SLC36A1: variants seen among roughly 807,000 people sequenced by gnomAD.
The protein encoded by SLC36A1 is solute carrier family 36 member 1.
Under a neutral mutation model 47.5 loss-of-function variants are expected in SLC36A1, and 30 were observed. The observed-to-expected ratio is 0.63, with a 90% CI of 0.47 to 0.86. The LOEUF (loss-of-function observed/expected upper bound fraction) is 0.86, where lower values mean the gene tolerates loss of function less well. Among genes scored for constraint, SLC36A1 ranks in the 40% least tolerant of loss-of-function variants. The pLI is 0.00. For missense variants in SLC36A1, 517 were observed against 606.0 expected (o/e 0.85, Z 1.54); for synonymous variants, 255 against 249.7 (o/e 1.02, Z -0.20).
chr5:151,438,144 A>T (rs1480004830), intron 1 of SLC36A1, among the ~76,000 whole-genome samples: 1 of 152,186 alleles, frequency 6.6e-6, no homozygotes, highest in African/African-American at 2.4e-5. Flanking sequence ...GAGATTAATT[A>T]ACGTCTTTGG....
the SLC36A1 span, chr5:151,545,178 G>A: frequency 6.2e-7 from 1 of 1,614,192 alleles, no homozygotes; most frequent in Non-Finnish European, 8.5e-7. Context: ...GTGCCTTTCT[G>A]TCCTGCAAGT....
At chr5:151,547,505 C>T in the SLC36A1 span, among the ~76,000 whole-genome samples, 12 of 152,164 alleles carry the variant, frequency 7.9e-5, no homozygotes, top group Admixed American at 2.6e-4. Context: ...CCCTCTATCA[C>T]GTGAGAGCAT....
chr5:151,433,078 TACTC>T (rs1407828194), upstream of SLC36A1, among the ~76,000 whole-genome samples: 9 of 151,246 alleles, frequency 6.0e-5, no homozygotes, highest in Middle Eastern at 3.4e-3. Context: ...AAAATGAACA[TACTC>T]AATAAAGCAT....
the SLC36A1 span, among the ~76,000 whole-genome samples, chr5:151,367,374 T>TTTTTC: frequency 3.4e-5 from 5 of 145,530 alleles, no homozygotes; most frequent in South Asian, 2.2e-4. Flanking sequence ...TTTTTTTTTT[T>TTTTTC]CCCCAGGGTA....
chr5:151,446,151 G>A (rs1313168833), upstream of SLC36A1, among the ~76,000 whole-genome samples: 1 of 152,014 alleles, frequency 6.6e-6, no homozygotes, highest in Non-Finnish European at 1.5e-5. Flanking sequence ...CATTCCATAA[G>A]CTTTGGTATG....
intron 1 of SLC36A1, among the ~76,000 whole-genome samples, chr5:151,458,048 A>G (rs1248747069): frequency 6.6e-6 from 1 of 151,264 alleles, no homozygotes; most frequent in Admixed American, 6.6e-5. Context: ...GGGTTTCTCC[A>G]TGTTACTCAG....
At chr5:151,543,370 T>C in the SLC36A1 span, 39 of 1,614,044 alleles carry the variant, frequency 2.4e-5, no homozygotes, top group Non-Finnish European at 3.1e-5. Flanking sequence ...CTCAGATGCT[T>C]TGAACTGTGG....
At chr5:151,421,174 C>CCTCCCTTCCT in the SLC36A1 span, among the ~76,000 whole-genome samples, 1 of 138,804 alleles carries the variant, frequency 7.2e-6, no homozygotes, top group African/African-American at 2.7e-5. Context: ...CGCCCTTTCT[C>CCTCCCTTCCT]TCCTTCCTTC....
chr5:151,464,141 C>T, intron 3 of SLC36A1, among the ~76,000 whole-genome samples: 1 of 152,188 alleles, frequency 6.6e-6, no homozygotes, highest in East Asian at 1.9e-4. Context: ...TAGCTAAGTG[C>T]AGTCTTTCTT....
At chr5:151,505,886 G>A in the SLC36A1 span, 1 of 1,604,172 alleles carries the variant, frequency 6.2e-7, no homozygotes, top group South Asian at 1.1e-5. Flanking sequence ...TCTGGTTGCT[G>A]TAACGGGGTG....
chr5:151,468,438 A>G (rs1262534107), intron 7 of SLC36A1, among the ~76,000 whole-genome samples: 1 of 146,384 alleles, frequency 6.8e-6, no homozygotes. Context: ...TATATTGTGT[A>G]TATATATACA....
At chr5:151,391,630 A>G in the SLC36A1 span, among the ~76,000 whole-genome samples, 11 of 152,130 alleles carry the variant, frequency 7.2e-5, no homozygotes, top group Admixed American at 7.2e-4. Flanking sequence ...GAATTTTGTC[A>G]AAGGCCTTTT....
At chr5:151,462,547 T>C (rs759805638) in intron 2 of SLC36A1, among the ~76,000 whole-genome samples, 3 of 151,998 alleles carry the variant, frequency 2.0e-5, no homozygotes, top group Admixed American at 6.6e-5. Flanking sequence ...ATATTTTTAG[T>C]AGAGACGGGG....
chr5:151,413,620 G>A, the SLC36A1 span, among the ~76,000 whole-genome samples: 2 of 152,030 alleles, frequency 1.3e-5, no homozygotes, highest in African/African-American at 2.4e-5. Flanking sequence ...TGTTTTTGCA[G>A]GAGGAGAAAT....
chr5:151,425,964 C>CTCTATCTATCTATCTA, the SLC36A1 span, among the ~76,000 whole-genome samples: 21,168 of 148,014 alleles, frequency 0.14, 1,659 homozygotes, highest in Non-Finnish European at 0.16. Context: ...CTCTCTCTCC[C>CTCTATCTATCTATCTA]TCTATCTATC....
At chr5:151,476,833 TCTTA>T (rs755671216) in intron 9 of SLC36A1, 77 bp downstream of exon 9, 4 of 1,536,436 alleles carry the variant, frequency 2.6e-6, no homozygotes, top group South Asian at 2.3e-5. Context: ...GGATTCTCCC[TCTTA>T]CTTATCTCTT....
chr5:151,458,859 G>A lies in SLC36A1; in HGVS notation c.67G>A (p.Glu23Lys), dbSNP rs1470862347. 1.2e-6 allele frequency: 2 copies of A among 1,613,994 alleles called. No homozygotes were observed. Among genetic ancestry groups the A allele is most frequent in the Admixed American group, 3.3e-5 (2 of 59,998 alleles). ...CAGCTCCACGGACGTGAGCCCTGAG[G>A]AGAGCCCGTCGGAAGGCCTCAACAA... ...DYSSTDVSPEESPSEGLNNLS... is the reference protein window; with the variant it reads ...DYSSTDVSPEKSPSEGLNNLS... The change falls in exon 2 of 11, where the codon GAG becomes AAG. Residue 23 changes from glutamate to lysine, a missense_variant. Coordinates refer to ENST00000243389, the MANE Select transcript of SLC36A1 (RefSeq NM_078483.4).
intron 5 of SLC36A1, among the ~76,000 whole-genome samples, chr5:151,466,220 G>A (rs918487990): frequency 1.3e-5 from 2 of 152,028 alleles, no homozygotes; most frequent in Admixed American, 6.6e-5. Flanking sequence ...TTAATAAAAT[G>A]TGTGCTATTT....
At chr5:151,543,953 C>T in the SLC36A1 span, 2 of 1,614,160 alleles carry the variant, frequency 1.2e-6, no homozygotes, top group Non-Finnish European at 1.7e-6. Flanking sequence ...CCACAGGTTG[C>T]CAGTTCACTG....
Sources: allele counts gnomAD v4.1 joint callset (sites outside exome capture counted in the v4.1 genomes callset), GRCh38; gene constraint gnomAD v4.1.1; transcripts MANE v1.5; gene names NCBI Gene and HGNC (gene_info 2026-07-23, HGNC 2026-07-21).